PCDHGA8: variants seen among roughly 807,000 people sequenced by gnomAD.
PCDHGA8 encodes the protein protocadherin gamma-A8.
A neutral mutation model predicts 59.2 loss-of-function variants in PCDHGA8; 45 were observed. The observed-to-expected ratio is 0.76, with a 90% confidence interval of 0.60 to 0.98. The LOEUF (loss-of-function observed/expected upper bound fraction) is 0.98, where lower values mean the gene tolerates loss of function less well. PCDHGA8 is among the 50% of genes least tolerant of loss of function. PCDHGA8 has a pLI of 0.00. For synonymous variants in PCDHGA8, 531 were observed against 519.0 expected, an observed-to-expected ratio of 1.02 and a Z score of -0.32; for missense variants, 1,257 against 1,196.2, an observed-to-expected ratio of 1.05 and a Z score of -0.75.
intron 1 of PCDHGA8, among the ~76,000 whole-genome samples, chr5:141,484,202 T>C (rs2099593138): frequency 6.6e-6 from 1 of 152,214 alleles, no homozygotes; most frequent in Non-Finnish European, 1.5e-5. Context: ...ATTAAATCTA[T>C]GAACATTAGC....
At chr5:141,408,076 A>C in intron 1 of PCDHGA8, 1 of 1,399,800 alleles carries the variant, frequency 7.1e-7, no homozygotes. Flanking sequence ...GACCTTTCCC[A>C]GCACAGCGGA....
intron 1 of PCDHGA8, chr5:141,410,157 C>T: frequency 6.2e-7 from 1 of 1,613,546 alleles, no homozygotes; most frequent in Non-Finnish European, 8.5e-7. Context: ...GGTGGACAGC[C>T]GCCACTCTCT....
intron 1 of PCDHGA8, chr5:141,413,387 T>A (rs902208287): frequency 1.2e-6 from 2 of 1,613,908 alleles, no homozygotes; most frequent in Non-Finnish European, 1.7e-6. Context: ...GTCCGCATAG[T>A]CTCCAGAGGT....
At position 141,432,612 on chromosome 5, in the gene PCDHGA8, C is replaced by A. The variant is rs752901891; in HGVS notation, c.2424+37375C>A. On this transcript the variant is annotated intron_variant, in intron 1 of 3. Transcript: ENST00000398604. This position sits in a 1 kb window ranked among gnomAD's most constrained non-coding sequence, Gnocchi z 6.0. ...AAGGCCAGCGAGCCGGGACTCTTCT[C>A]GGTGGGTCTGCACACGGGCGAGGTG... 1 of 1,613,912 alleles carries A rather than the reference C, an allele frequency of 6.2e-7. No individual in the cohort carries two copies. The highest frequency in any genetic ancestry group is 1.1e-5 in the South Asian group (1 of 91,062).
At chr5:141,423,749 T>TTG (rs1249843775) in intron 1 of PCDHGA8, 127 of 272,264 alleles carry the variant, frequency 4.7e-4, no homozygotes, top group South Asian at 6.4e-4. Context: ...TGAAAACTGT[T>TTG]TGGGGGGGGG....
At chr5:141,438,268 C>T (rs949472857) in intron 1 of PCDHGA8, among the ~76,000 whole-genome samples, 1 of 152,054 alleles carries the variant, frequency 6.6e-6, no homozygotes. Flanking sequence ...ACCATAGAAT[C>T]AAACAAAATA....
chr5:141,408,380 G>T, intron 1 of PCDHGA8: 1 of 1,614,028 alleles, frequency 6.2e-7, no homozygotes, highest in East Asian at 2.2e-5. Context: ...CAGTGTCCTG[G>T]ATGTGTCGGC....
intron 1 of PCDHGA8, chr5:141,430,556 C>A (rs1479639096): frequency 9.7e-6 from 4 of 413,394 alleles, no homozygotes; most frequent in African/African-American, 2.1e-5. Flanking sequence ...GTTCACCAAT[C>A]GGGGAGAGAA....
rs553772792 is a variant in PCDHGA8, at chr5:141,444,542, G to A, written c.2424+49305G>A. ...AGGTGAGACAGTGACTGTGTCTAGT[G>A]AGCAAAAGGCACTTATTTGACACTT... On this transcript the variant is annotated intron_variant, in intron 1 of 3. Coordinates refer to ENST00000398604, the MANE Select transcript of PCDHGA8 (RefSeq NM_032088.2). 3.3e-5 allele frequency among the ~76,000 whole-genome samples: 5 copies of A among 152,156 alleles called. No individual in the cohort carries two copies. The East Asian group carries it at 7.7e-4, about 24-fold the overall frequency.
intron 3 of PCDHGA8, among the ~76,000 whole-genome samples, chr5:141,510,538 G>A (rs1423013528): frequency 1.3e-5 from 2 of 152,216 alleles, no homozygotes; most frequent in East Asian, 1.9e-4. Context: ...AAATACCAGC[G>A]AATGTGTTTT....
Position 141,487,171 on chromosome 5 carries a change from G to C in PCDHGA8, c.2425-7636G>C. ...CTGTTACTCTCTTAGTGTCCTTAGA[G>C]GAAGACACTCATCCAGTTGTCCCAG... On this transcript the variant is annotated intron_variant, in intron 1 of 3. Transcript: ENST00000398604. The surrounding 1 kb of genome is among the most constrained non-coding windows in gnomAD (Gnocchi z 5.0). 1 of 1,612,938 alleles carries C rather than the reference G, an allele frequency of 6.2e-7. No individual in the cohort carries two copies. Among genetic ancestry groups the C allele is most frequent in the Non-Finnish European group, 8.5e-7 (1 of 1,178,910 alleles).
At chr5:141,500,729 C>T (rs1434863449) in intron 2 of PCDHGA8, among the ~76,000 whole-genome samples, 2 of 152,130 alleles carry the variant, frequency 1.3e-5, no homozygotes, top group Non-Finnish European at 2.9e-5. Flanking sequence ...CCATGTCTTT[C>T]AAAATTCTTC....
chr5:141,455,047 C>T (rs2098811276), intron 1 of PCDHGA8, among the ~76,000 whole-genome samples: 1 of 150,004 alleles, frequency 6.7e-6, no homozygotes, highest in African/African-American at 2.5e-5. Context: ...CTCCTGACCT[C>T]GTGATCCGCC....
chr5:141,477,678 C>A lies in PCDHGA8; in HGVS notation c.2425-17129C>A, dbSNP rs967769574. 1 of 1,614,182 alleles carries A rather than the reference C, an allele frequency of 6.2e-7. No individual in the cohort carries two copies. The highest frequency in any genetic ancestry group is 1.3e-5 in the African/African-American group (1 of 75,054). ...AATCGTGACAATGGCATAGTGTCAT[C>A]CTTAGTGCCCCTAGACTATGAGGAT... is the stretch of plus-strand genomic sequence containing the variant. On this transcript the variant is annotated intron_variant, in intron 1 of 3. Transcript: ENST00000398604. The surrounding 1 kb of genome is among the most constrained non-coding windows in gnomAD (Gnocchi z 4.9).
chr5:141,486,089 G>T lies in PCDHGA8; in HGVS notation c.2425-8718G>T, dbSNP rs2099624123. On this transcript the variant is annotated intron_variant, in intron 1 of 3. Coordinates refer to ENST00000398604, the MANE Select transcript of PCDHGA8 (RefSeq NM_032088.2). The surrounding 1 kb of genome is among the most constrained non-coding windows in gnomAD (Gnocchi z 5.0). ...CACTACTGGAAAGCTTACTCTTTTG[G>T]GGCCCCTAGACTTTGAGAGTGAGAA... is the stretch of plus-strand genomic sequence containing the variant. 1 of 1,614,084 alleles carries T rather than the reference G, an allele frequency of 6.2e-7. No individual in the cohort carries two copies. The highest frequency in any genetic ancestry group is 8.5e-7 in the Non-Finnish European group (1 of 1,180,014).
chr5:141,398,266 G>C, intron 1 of PCDHGA8: 1 of 1,439,368 alleles, frequency 6.9e-7, no homozygotes, highest in Non-Finnish European at 9.5e-7. Flanking sequence ...GGGCTCCGTA[G>C]TGGGGAACCT....
In PCDHGA8 at chr5:141,394,244, C is replaced by T. The variant is rs371631729; in HGVS notation, c.1431C>T (p.His477=). Residue 477 remains histidine, a synonymous_variant, in exon 1 of 4, where the codon CAC becomes CAT. Coordinates refer to ENST00000398604, the MANE Select transcript of PCDHGA8 (RefSeq NM_032088.2). ...RGASIFSLTA[H]DPDSQENAQV... ...CCTCCATCTTTTCCTTGACTGCACA[C>T]GACCCCGACAGCCAGGAGAATGCCC... The T allele has an allele frequency of 1.5e-5, 25 of 1,613,938 alleles. No homozygotes were observed. In the African/African-American group the frequency reaches 2.3e-4, roughly 15 times the overall value.
chr5:141,397,223 TATG>T lies in PCDHGA8; in HGVS notation c.2424+1988_2424+1990del, dbSNP rs543267212. ...ATGACATAAGAGAAGTATTTTGAGA[TATG>T]AAGAAGAGCAACGTAGTAGGGTATA... is the stretch of plus-strand genomic sequence containing the variant. On this transcript the variant is annotated intron_variant, in intron 1 of 3. Coordinates refer to ENST00000398604, the MANE Select transcript of PCDHGA8 (RefSeq NM_032088.2). Among the ~76,000 whole-genome samples, 432 of 152,304 alleles carry T rather than the reference TATG, an allele frequency of 2.8e-3. 2 individuals carry two copies. Among genetic ancestry groups the T allele is most frequent in the Admixed American group, 9.4e-3 (144 of 15,310 alleles).
chr5:141,446,633 C>T (rs2098509543), intron 1 of PCDHGA8, among the ~76,000 whole-genome samples: 4 of 152,208 alleles, frequency 2.6e-5, no homozygotes, highest in East Asian at 1.9e-4. Flanking sequence ...TGCACCACCA[C>T]GCCTGGCTAA....
Sources: gnomAD v4.1 joint callset for allele counts (sites outside exome capture counted in the v4.1 genomes callset) on GRCh38, gnomAD v4.1.1 for gene constraint, Gnocchi (gnomAD v3.1) non-coding constraint, MANE v1.5 for transcripts, NCBI Gene and HGNC (gene_info 2026-07-23, HGNC 2026-07-21) for gene names.